COG5: variants seen among roughly 807,000 people sequenced by gnomAD.
COG5 encodes conserved oligomeric Golgi complex subunit 5.
In COG5, 86 loss-of-function variants were observed where a neutral mutation model predicts 110.4. The ratio of observed to expected loss-of-function variants is 0.78; its 90% CI spans 0.65 to 0.93. COG5 has a LOEUF of 0.93. Ranked by LOEUF, COG5 falls within the 40% of genes least tolerant of loss-of-function variation. COG5 has a pLI of 0.00. For missense variants in COG5, 1,077 were observed against 987.0 expected, an observed-to-expected ratio of 1.09 and a Z score of -1.22; for synonymous variants, 360 against 334.6, an observed-to-expected ratio of 1.08 and a Z score of -0.83.
intron 11 of COG5, among the ~76,000 whole-genome samples, chr7:107,300,167 C>A (rs866057407): frequency 2.6e-5 from 4 of 151,900 alleles, no homozygotes; most frequent in African/African-American, 7.3e-5. Flanking sequence ...CAACTAGGAA[C>A]AGAAAGGAAC....
chr7:107,454,712 G>A (rs1254902377), intron 6 of COG5, among the ~76,000 whole-genome samples: 2 of 152,078 alleles, frequency 1.3e-5, no homozygotes, highest in Non-Finnish European at 2.9e-5. Flanking sequence ...ATCAAGGAGA[G>A]GAAAGGAGAG....
Position 107,489,979 on chromosome 7 carries a change from A to G in COG5, c.538+37258T>C, listed in dbSNP as rs1584888824. On this transcript the variant is annotated intron_variant, in intron 6 of 21. Transcript: ENST00000297135. ...CAATGTTCAGCATAATACCTGCCAT[A>G]CAGCAATCAATGGAAACTTTTATCA... Among the ~76,000 whole-genome samples, 3 of 152,332 alleles carry G rather than the reference A, an allele frequency of 2.0e-5. No individual in the cohort carries two copies. The South Asian group carries it at 6.2e-4, about 32-fold the overall frequency.
chr7:107,434,736 C>T (rs1794249406), intron 6 of COG5, among the ~76,000 whole-genome samples: 2 of 151,966 alleles, frequency 1.3e-5, no homozygotes, highest in African/African-American at 4.8e-5. Flanking sequence ...TTTGGGAGGC[C>T]AAGGTGGGCG....
intron 6 of COG5, among the ~76,000 whole-genome samples, chr7:107,484,749 T>C (rs999239228): frequency 6.6e-6 from 1 of 152,184 alleles, no homozygotes; most frequent in Non-Finnish European, 1.5e-5. Flanking sequence ...AATAATAACA[T>C]CAAACTAAAG....
chr7:107,365,908 A>G (rs1299472182), intron 8 of COG5, among the ~76,000 whole-genome samples: 1 of 152,158 alleles, frequency 6.6e-6, no homozygotes, highest in Non-Finnish European at 1.5e-5. Flanking sequence ...AGACTGCTTC[A>G]GGTATCTCCC....
chr7:107,213,345 A>T (rs1427532618), intron 19 of COG5, among the ~76,000 whole-genome samples: 2 of 152,108 alleles, frequency 1.3e-5, no homozygotes, highest in African/African-American at 2.4e-5. Context: ...CTGAAATCCA[A>T]ACAGCAGCGC....
chr7:107,428,440 T>A (rs192091704), intron 6 of COG5, among the ~76,000 whole-genome samples: 1 of 151,628 alleles, frequency 6.6e-6, no homozygotes, highest in African/African-American at 2.4e-5. Context: ...CATGTGAAGA[T>A]AGAGGCAGAG....
chr7:107,243,770 T>C (rs1801839354), intron 17 of COG5, among the ~76,000 whole-genome samples: 1 of 152,108 alleles, frequency 6.6e-6, no homozygotes, highest in Non-Finnish European at 1.5e-5. Flanking sequence ...TAATTGGACA[T>C]AAAACAATCC....
At chr7:107,318,360 A>G (rs16872336) in intron 11 of COG5, among the ~76,000 whole-genome samples, 3,537 of 152,250 alleles carry the variant, frequency 0.023, 71 homozygotes, top group African/African-American at 0.048. Flanking sequence ...TTCCTGTCAT[A>G]TTGAGAGACG....
chr7:107,541,513 A>ATATATATATAT (rs1584948575), intron 5 of COG5, among the ~76,000 whole-genome samples: 8 of 98,118 alleles, frequency 8.2e-5, no homozygotes, highest in East Asian at 5.7e-4. Flanking sequence ...AAAAAAAAAA[A>ATATATATATAT]AAAAAAAAAA....
intron 21 of COG5, among the ~76,000 whole-genome samples, chr7:107,207,564 C>A (rs1277081729): frequency 6.6e-6 from 1 of 152,230 alleles, no homozygotes; most frequent in African/African-American, 2.4e-5. Flanking sequence ...GCCAACCCCA[C>A]CGCTGTTACA....
chr7:107,331,175 C>T (rs1810206218), intron 10 of COG5, among the ~76,000 whole-genome samples: 1 of 152,036 alleles, frequency 6.6e-6, no homozygotes, highest in Non-Finnish European at 1.5e-5. Context: ...TCAAGCTGTG[C>T]TATAAGAAAA....
At chr7:107,280,037 G>A (rs181028294) in intron 14 of COG5, among the ~76,000 whole-genome samples, 3 of 152,014 alleles carry the variant, frequency 2.0e-5, no homozygotes, top group Admixed American at 2.0e-4. Context: ...GTTATCTTCA[G>A]ATCTTAGCAT....
At chr7:107,387,461 T>C (rs1335238488) in intron 7 of COG5, among the ~76,000 whole-genome samples, 1 of 152,246 alleles carries the variant, frequency 6.6e-6, no homozygotes. Context: ...CAAAATTTCG[T>C]GTGTTCCTTG....
At chr7:107,247,267 G>T (rs1324957114) in intron 17 of COG5, among the ~76,000 whole-genome samples, 2 of 152,086 alleles carry the variant, frequency 1.3e-5, no homozygotes, top group Non-Finnish European at 2.9e-5. Flanking sequence ...TAACTACAGG[G>T]TACTGGGCCT....
At chr7:107,284,409 G>T (rs1422030483) in intron 12 of COG5, among the ~76,000 whole-genome samples, 1 of 152,174 alleles carries the variant, frequency 6.6e-6, no homozygotes, top group African/African-American at 2.4e-5. Flanking sequence ...ATGGAAGAAA[G>T]ACCAGCCTGC....
chr7:107,426,289 C>G (rs571801156), intron 6 of COG5, among the ~76,000 whole-genome samples: 35 of 152,276 alleles, frequency 2.3e-4, no homozygotes, highest in Non-Finnish European at 4.7e-4. Context: ...TTTATCTGCT[C>G]CACTTTACAG....
At chr7:107,349,082 A>G (rs1003502884) in intron 10 of COG5, among the ~76,000 whole-genome samples, 1 of 152,218 alleles carries the variant, frequency 6.6e-6, no homozygotes, top group Non-Finnish European at 1.5e-5. Flanking sequence ...TTGTTAATAT[A>G]TAAAAGTACA....
chr7:107,238,885 C>T (rs772258102), intron 17 of COG5, among the ~76,000 whole-genome samples: 11 of 152,216 alleles, frequency 7.2e-5, no homozygotes, highest in Non-Finnish European at 1.3e-4. Context: ...ATATTTTGGA[C>T]GTTAATCCCC....
Sources: allele counts gnomAD v4.1 joint callset (sites outside exome capture counted in the v4.1 genomes callset), GRCh38; gene constraint gnomAD v4.1.1; transcripts MANE v1.5; gene names NCBI Gene and HGNC (gene_info 2026-07-23, HGNC 2026-07-21).